PPP4C: variants seen among roughly 807,000 people sequenced by gnomAD.
PPP4C encodes the protein protein phosphatase 4 catalytic subunit, also known as serine/threonine-protein phosphatase 4 catalytic subunit.
Under a neutral mutation model 40.5 loss-of-function variants are expected in PPP4C, and 10 were observed. The observed-to-expected ratio is 0.25, with a 90% confidence interval of 0.15 to 0.42. The LOEUF (loss-of-function observed/expected upper bound fraction) is 0.42. PPP4C is among the 10% of genes least tolerant of loss of function. PPP4C has a pLI of 1.00. For synonymous variants in PPP4C, 187 were observed against 163.6 expected (o/e 1.14, Z -1.09); for missense variants, 191 against 416.4 (o/e 0.46, Z 4.71).
chr16:30,080,183 A>G, intron 2 of PPP4C, among the ~76,000 whole-genome samples: 1 of 151,754 alleles, frequency 6.6e-6, no homozygotes, highest in East Asian at 1.9e-4. Flanking sequence ...CGACTCTACT[A>G]AAAATACAAA....
Position 30,085,280 on chromosome 16 carries a change from A to AT in PPP4C, c.*227dup, listed in dbSNP as rs377507935. 2.6e-3 allele frequency: 1,053 copies of AT among 406,220 alleles called. 9 individuals are homozygous for AT. The highest frequency in any genetic ancestry group is 0.017 in the African/African-American group (817 of 48,542). 25.2% of individuals were successfully genotyped at this position (406,220 alleles called of 1,614,324 possible). The stretch of plus-strand genomic sequence containing the variant: ...CACTTGAACCATGAAGTTTCCAATA[A>AT]TTTTTTTTTCTTTTTTTCCTTCTTT... On this transcript the variant is annotated 3_prime_UTR_variant, in exon 9 of 9. Transcript: ENST00000279387.
chr16:30,082,721 G>A (rs772196731), intron 4 of PPP4C, 25 bp from the exon 5 acceptor site: 4 of 1,605,032 alleles, frequency 2.5e-6, no homozygotes, highest in Non-Finnish European at 2.6e-6. Context: ...TTTACGACAG[G>A]GCAAAACTTT....
chr16:30,081,354 G>A, intron 3 of PPP4C, 44 bp downstream of exon 3: 3 of 1,545,358 alleles, frequency 1.9e-6, no homozygotes, highest in Non-Finnish European at 2.7e-6. Context: ...GGTCTTTCAG[G>A]CACATGAAGT....
intron 2 of PPP4C, 119 bp from the exon 3 acceptor site, chr16:30,081,140 T>C: frequency 7.0e-7 from 1 of 1,432,094 alleles, no homozygotes; most frequent in Non-Finnish European, 9.7e-7. Flanking sequence ...ACTGTACGCT[T>C]CACTCCTGCC....
chr16:30,082,904 T>G, intron 5 of PPP4C, 57 bp downstream of exon 5: 1 of 1,463,448 alleles, frequency 6.8e-7, no homozygotes, highest in Non-Finnish European at 9.5e-7. Context: ...CGGGCCTGTC[T>G]TAGTCCGTTC....
At chr16:30,080,944 G>T (rs1362808995) in intron 2 of PPP4C, among the ~76,000 whole-genome samples, 1 of 152,166 alleles carries the variant, frequency 6.6e-6, no homozygotes. Flanking sequence ...GGGGAGACCC[G>T]CCTCCCAGGA....
At chr16:30,076,242 G>C in intron 1 of PPP4C, 73 bp from the exon 2 acceptor site, 1 of 879,578 alleles carries the variant, frequency 1.1e-6, no homozygotes, top group Non-Finnish European at 1.7e-6. Context: ...AGCCGGGCCG[G>C]CTCTAGAATC....
Position 30,082,768 on chromosome 16 carries a change from C to T in PPP4C, c.224C>T (p.Thr75Ile). Residue 75 changes from threonine to isoleucine, a missense_variant, in exon 5 of 9, where the codon ACC becomes ATC. By Grantham distance (89) the Thr-to-Ile change is moderately conservative. Coordinates refer to ENST00000279387, the MANE Select transcript of PPP4C (RefSeq NM_002720.3). ...LFRVGGDVPE[T>I]NYLFMGDFVD... ...CAGGTAGGTGGCGACGTCCCTGAGACCAACTACCTCTTCATGGGGGACTTT... is the reference window on the plus strand; with the variant it reads ...CAGGTAGGTGGCGACGTCCCTGAGATCAACTACCTCTTCATGGGGGACTTT... The T allele has an allele frequency of 6.2e-7, 1 of 1,614,044 alleles. No homozygotes were observed. Among genetic ancestry groups the T allele is most frequent in the Non-Finnish European group, 8.5e-7 (1 of 1,179,994 alleles).
intron 2 of PPP4C, among the ~76,000 whole-genome samples, chr16:30,080,852 C>T (rs2072492354): frequency 6.6e-6 from 1 of 152,192 alleles, no homozygotes; most frequent in Non-Finnish European, 1.5e-5. Flanking sequence ...CTGCCCTGGG[C>T]ACCTACCCTT....
At chr16:30,082,406 A>AAAGG in intron 3 of PPP4C, 78 bp from the exon 4 acceptor site, 4 of 1,425,224 alleles carry the variant, frequency 2.8e-6, no homozygotes, top group Non-Finnish European at 3.0e-6. Context: ...AAAGCTCACT[A>AAAGG]AAGCAGCGGG....
At position 30,082,713 on chromosome 16, in the gene PPP4C, T is replaced by C. The variant is rs200556637; in HGVS notation, c.202-33T>C. The stretch of plus-strand genomic sequence containing the variant: ...AACAGGTAGGGGGTAGGGGACTGTT[T>C]ACGACAGGGCAAAACTTTCTACTTC... On this transcript the variant is annotated intron_variant, in intron 4 of 8. Coordinates refer to ENST00000279387, the MANE Select transcript of PPP4C (RefSeq NM_002720.3). The C allele has an allele frequency of 8.0e-5, 128 of 1,598,310 alleles. No individual in the cohort carries two copies. The East Asian group carries it at 1.1e-3, about 14-fold the overall frequency.
intron 2 of PPP4C, among the ~76,000 whole-genome samples, chr16:30,079,613 G>A (rs570161769): frequency 2.6e-5 from 4 of 152,306 alleles, no homozygotes; most frequent in South Asian, 4.1e-4. Flanking sequence ...GGGAGAGTCC[G>A]GGTACTGATG....
chr16:30,083,259 G>C lies in PPP4C; in HGVS notation c.304-135G>C. 5 of 1,042,238 alleles carry C rather than the reference G, an allele frequency of 4.8e-6. No individual in the cohort carries two copies. The highest frequency in any genetic ancestry group is 7.0e-6 in the Non-Finnish European group (5 of 709,294). 64.6% of individuals were successfully genotyped at this position (1,042,238 alleles called of 1,614,324 possible). A position where few individuals can be genotyped will look rare whatever the true frequency, so the allele number is the denominator to read the frequency against. On this transcript the variant is annotated intron_variant, in intron 5 of 8. Transcript: ENST00000279387. The surrounding 1 kb of genome is among the most constrained non-coding windows in gnomAD (Gnocchi z 6.3). Reference sequence around the variant, plus strand: ...GCCTGGGAGGTGGCTGATGCCACACGATTCAGGCAAGAGGTGCCAGGAGTG... The same window carrying C: ...GCCTGGGAGGTGGCTGATGCCACACCATTCAGGCAAGAGGTGCCAGGAGTG...
intron 4 of PPP4C, 88 bp downstream of exon 4, chr16:30,082,622 T>C: frequency 6.4e-7 from 1 of 1,557,002 alleles, no homozygotes; most frequent in Non-Finnish European, 8.8e-7. Context: ...ATTTGGGGCG[T>C]GGAGTGGGGG....
Position 30,076,559 on chromosome 16 carries a change from G to A in PPP4C, c.98+84G>A, listed in dbSNP as rs1034565844. ...GGGCAAACCCAACTGAGAACTTTGG[G>A]CTTGCCTCGTTCTGGAAGCTTTCCC... is the stretch of plus-strand genomic sequence containing the variant. On this transcript the variant is annotated intron_variant, in intron 2 of 8. Transcript: ENST00000279387. 3 of 1,384,026 alleles carry A rather than the reference G, an allele frequency of 2.2e-6. No individual in the cohort carries two copies. The Admixed American group carries it at 6.1e-5, about 28-fold the overall frequency. 85.7% of individuals were successfully genotyped at this position (1,384,026 alleles called of 1,614,324 possible). A position where few individuals can be genotyped will look rare whatever the true frequency, so the allele number is the denominator to read the frequency against.
intron 7 of PPP4C, among the ~76,000 whole-genome samples, chr16:30,084,170 A>G (rs2072565719): frequency 6.6e-6 from 1 of 152,208 alleles, no homozygotes. Flanking sequence ...ACAGGCACAC[A>G]CGCACAGGCA....
rs577573864 is a variant in PPP4C, at chr16:30,081,081, C to T, written c.99-178C>T. The T allele has an allele frequency of 9.7e-5, 74 of 759,598 alleles. No individual in the cohort carries two copies. In the East Asian group the frequency reaches 1.4e-3, roughly 14 times the overall value. The allele number at this position is 759,598 out of a possible 1,614,324, so 47.1% of individuals were successfully genotyped here. A position where few individuals can be genotyped will look rare whatever the true frequency, so the allele number is the denominator to read the frequency against. On this transcript the variant is annotated intron_variant, in intron 2 of 8. Coordinates refer to ENST00000279387, the MANE Select transcript of PPP4C (RefSeq NM_002720.3). ...TTGTCCTTTTGGCAGCAGGGGGCCACGGAAGGGTGTTGCATGCTGAAGGGC... is the reference window on the plus strand; with the variant it reads ...TTGTCCTTTTGGCAGCAGGGGGCCATGGAAGGGTGTTGCATGCTGAAGGGC...
intron 2 of PPP4C, 41 bp downstream of exon 2, chr16:30,076,516 C>T: frequency 2.6e-6 from 4 of 1,562,528 alleles, no homozygotes; most frequent in East Asian, 2.4e-5. Context: ...CAAGCCGCCG[C>T]CCACGGGTTC....
intron 2 of PPP4C, among the ~76,000 whole-genome samples, chr16:30,077,487 G>A (rs1345248742): frequency 6.6e-6 from 1 of 152,152 alleles, no homozygotes; most frequent in Non-Finnish European, 1.5e-5. Context: ...GGGCCAGTGA[G>A]GGAAGGGCAT....
Sources: gnomAD v4.1 joint callset for allele counts (sites outside exome capture counted in the v4.1 genomes callset) on GRCh38, gnomAD v4.1.1 for gene constraint, Gnocchi (gnomAD v3.1) non-coding constraint, MANE v1.5 for transcripts, NCBI Gene and HGNC (gene_info 2026-07-23, HGNC 2026-07-21) for gene names.